The following VPS37A variants were observed in gnomAD, a reference collection of about 807,000 sequenced individuals.
The protein encoded by VPS37A is vacuolar protein sorting-associated protein 37A.
VPS37A carries 30 observed loss-of-function variants against 49.8 expected under a neutral mutation model. The observed-to-expected ratio is 0.60, with a 90% confidence interval of 0.45 to 0.82. The LOEUF (loss-of-function observed/expected upper bound fraction) is 0.82, where lower values mean the gene tolerates loss of function less well. VPS37A is among the 40% of genes least tolerant of loss of function. The pLI is 0.00. For missense variants in VPS37A, 593 were observed against 464.4 expected, an observed-to-expected ratio of 1.28 and a Z score of -2.55; for synonymous variants, 195 against 160.6, an observed-to-expected ratio of 1.21 and a Z score of -1.62.
intron 3 of VPS37A, 152 bp downstream of exon 3, chr8:17,268,524 C>G: frequency 1.6e-6 from 1 of 612,288 alleles, no homozygotes; most frequent in Non-Finnish European, 2.8e-6. Flanking sequence ...CCTTAAAGTT[C>G]TTACAATATG....
At chr8:17,303,512 A>G (rs1383847597), downstream of VPS37A, among the ~76,000 whole-genome samples, 1 of 152,156 alleles carries the variant, frequency 6.6e-6, no homozygotes, top group African/African-American at 2.4e-5. Flanking sequence ...TACAAGCCTA[A>G]CAAGGAAGCC....
intron 11 of VPS37A, among the ~76,000 whole-genome samples, chr8:17,291,983 T>A (rs1586083004): frequency 6.6e-6 from 1 of 152,228 alleles, no homozygotes; most frequent in Non-Finnish European, 1.5e-5. Context: ...AGATGTCTAT[T>A]AGTTCCGTTT....
At chr8:17,270,096 A>G (rs1813835436) in intron 4 of VPS37A, among the ~76,000 whole-genome samples, 1 of 152,074 alleles carries the variant, frequency 6.6e-6, no homozygotes, top group South Asian at 2.1e-4. Context: ...AGAACTCACT[A>G]TGGCAAGGAC....
chr8:17,268,769 G>C, intron 3 of VPS37A, 87 bp from the exon 4 acceptor site: 2 of 890,902 alleles, frequency 2.2e-6, no homozygotes, highest in Non-Finnish European at 3.5e-6. Context: ...GCAAAAGTAA[G>C]TTAATATTTA....
At chr8:17,292,880 C>T (rs1032996479) in intron 11 of VPS37A, among the ~76,000 whole-genome samples, 1 of 152,168 alleles carries the variant, frequency 6.6e-6, no homozygotes, top group Non-Finnish European at 1.5e-5. Flanking sequence ...CTCTGGCTGC[C>T]CTTAACATTT....
downstream of VPS37A, chr8:17,299,086 A>G (rs1474795512): frequency 6.6e-6 from 1 of 152,168 alleles, no homozygotes; most frequent in Non-Finnish European, 1.5e-5. Flanking sequence ...CTAGAACAGT[A>G]ATAAAAGGTT....
At chr8:17,299,714 C>A (rs1586121241), downstream of VPS37A, 1 of 1,058,128 alleles carries the variant, frequency 9.5e-7, no homozygotes, top group Non-Finnish European at 1.4e-6. Context: ...AAATCAAGAA[C>A]TGGGCACTTT....
At chr8:17,282,250 A>G (rs950080492) in intron 9 of VPS37A, among the ~76,000 whole-genome samples, 1 of 152,112 alleles carries the variant, frequency 6.6e-6, no homozygotes, top group African/African-American at 2.4e-5. Context: ...TATGTGAATA[A>G]TCAGTTGGAA....
At chr8:17,273,791 T>C (rs1814241026) in intron 4 of VPS37A, among the ~76,000 whole-genome samples, 1 of 152,226 alleles carries the variant, frequency 6.6e-6, no homozygotes, top group Non-Finnish European at 1.5e-5. Flanking sequence ...AAAAAATGTT[T>C]TCTTCCCACA....
At position 17,297,924 on chromosome 8, in the gene VPS37A, G is replaced by A. The variant is rs890393917; in HGVS notation, c.*2938G>A. On this transcript the variant is annotated 3_prime_UTR_variant, in exon 12 of 12. Transcript: ENST00000324849. ...AAAGTTGAGGGGACTAAAAGTTTATGACTCTGATATGGAAGTTGTCATATT... is the reference window on the plus strand; with the variant it reads ...AAAGTTGAGGGGACTAAAAGTTTATAACTCTGATATGGAAGTTGTCATATT... The A allele has an allele frequency of 1.3e-5, 2 of 152,154 alleles. No individual in the cohort carries two copies. The highest frequency in any genetic ancestry group is 4.8e-5 in the African/African-American group (2 of 41,556). 9.4% of individuals were successfully genotyped at this position (152,154 alleles called of 1,614,324 possible).
In VPS37A at chr8:17,296,462, T is replaced by G. The variant is rs964193012; in HGVS notation, c.*1476T>G. ...AGTCTTTTGGGTATTCAGAAACCTT[T>G]CCTTATACTGCACTGGCCACCAGAG... On this transcript the variant is annotated 3_prime_UTR_variant, in exon 12 of 12. Transcript: ENST00000324849. 1 of 152,180 alleles carries G rather than the reference T, an allele frequency of 6.6e-6. No homozygotes were observed. Among genetic ancestry groups the G allele is most frequent in the African/African-American group, 2.4e-5 (1 of 41,434 alleles). 9.4% of individuals were successfully genotyped at this position (152,180 alleles called of 1,614,324 possible).
At position 17,247,221 on chromosome 8, in the gene VPS37A, C is replaced by T. The variant is rs764434037; in HGVS notation, c.-24C>T. Reference sequence around the variant, plus strand: ...GAAGCAGGCCAGAGCCTTCCAGGGCCTCCGGCCCGTGGACCCGAGGAGGAT... The same window carrying T: ...GAAGCAGGCCAGAGCCTTCCAGGGCTTCCGGCCCGTGGACCCGAGGAGGAT... On this transcript the variant is annotated 5_prime_UTR_variant, in exon 1 of 12. Coordinates refer to ENST00000324849, the MANE Select transcript of VPS37A (RefSeq NM_152415.3). 5.1e-5 allele frequency: 79 copies of T among 1,563,384 alleles called. No homozygotes were observed. In the Admixed American group the frequency reaches 1.3e-3, roughly 26 times the overall value.
the VPS37A span, among the ~76,000 whole-genome samples, chr8:17,317,550 C>T: frequency 2.6e-5 from 4 of 152,178 alleles, no homozygotes; most frequent in African/African-American, 7.2e-5. Context: ...CTGCGGTCAA[C>T]GTTTCCAGAA....
chr8:17,310,440 T>G, the VPS37A span, among the ~76,000 whole-genome samples: 1 of 152,268 alleles, frequency 6.6e-6, no homozygotes, highest in South Asian at 2.1e-4. Flanking sequence ...GACATTTTCT[T>G]TGGGTTGTAA....
intron 1 of VPS37A, among the ~76,000 whole-genome samples, chr8:17,260,333 T>C (rs1812858170): frequency 6.6e-6 from 1 of 152,082 alleles, no homozygotes; most frequent in Non-Finnish European, 1.5e-5. Flanking sequence ...GAAACAAAAA[T>C]ATTTATGCCT....
downstream of VPS37A, among the ~76,000 whole-genome samples, chr8:17,304,847 G>A (rs1201398244): frequency 6.6e-6 from 1 of 151,644 alleles, no homozygotes; most frequent in Non-Finnish European, 1.5e-5. Context: ...TATTCTAAAT[G>A]TTCCACGTTT....
chr8:17,291,313 G>A (rs1467678666), intron 11 of VPS37A, among the ~76,000 whole-genome samples: 17 of 151,964 alleles, frequency 1.1e-4, no homozygotes, highest in African/African-American at 3.6e-4. Flanking sequence ...ATGCCCATAC[G>A]ATCTCCCCTT....
At chr8:17,305,427 T>C (rs928407479), downstream of VPS37A, among the ~76,000 whole-genome samples, 3 of 152,212 alleles carry the variant, frequency 2.0e-5, no homozygotes, top group South Asian at 4.1e-4. Flanking sequence ...TATGGTAGCA[T>C]AGCCACCAAA....
chr8:17,287,883 C>T (rs1223803356), intron 11 of VPS37A, among the ~76,000 whole-genome samples: 1 of 152,036 alleles, frequency 6.6e-6, no homozygotes, highest in Admixed American at 6.6e-5. Context: ...GTCCTCTGCC[C>T]AGTCGACTGG....
Sources: allele counts gnomAD v4.1 joint callset (sites outside exome capture counted in the v4.1 genomes callset), GRCh38; gene constraint gnomAD v4.1.1; transcripts MANE v1.5; gene names NCBI Gene and HGNC (gene_info 2026-07-23, HGNC 2026-07-21).